Variants in RSPO1 observed in about 807,000 individuals in gnomAD.
The protein encoded by RSPO1 is R-spondin 1, also known as R-spondin-1.
A neutral mutation model predicts 26.0 loss-of-function variants in RSPO1; 18 were observed. The observed-to-expected ratio is 0.69, with a 90% CI of 0.48 to 1.03. The LOEUF (loss-of-function observed/expected upper bound fraction) is 1.03. Among genes scored for constraint, RSPO1 ranks in the 50% least tolerant of loss-of-function variants. RSPO1 has a pLI of 0.00. For synonymous variants in RSPO1, 133 were observed against 137.4 expected, an observed-to-expected ratio of 0.97 and a Z score of 0.22; for missense variants, 309 against 352.3, an observed-to-expected ratio of 0.88 and a Z score of 0.98.
intron 3 of RSPO1, among the ~76,000 whole-genome samples, chr1:37,622,010 T>C (rs1340311541): frequency 6.6e-6 from 1 of 152,042 alleles, no homozygotes; most frequent in Non-Finnish European, 1.5e-5. Context: ...ATCAAAGGCA[T>C]GCCAGTCCAT....
intron 3 of RSPO1, among the ~76,000 whole-genome samples, chr1:37,619,339 T>C (rs1644164899): frequency 6.6e-6 from 1 of 152,214 alleles, no homozygotes; most frequent in African/African-American, 2.4e-5. Flanking sequence ...TGCAGGGTAG[T>C]GGACCCAGAG....
At chr1:37,622,158 T>C (rs937376233) in intron 3 of RSPO1, among the ~76,000 whole-genome samples, 1 of 152,144 alleles carries the variant, frequency 6.6e-6, no homozygotes, top group Non-Finnish European at 1.5e-5. Flanking sequence ...GTATATAGCA[T>C]CATGGGAGCC....
chr1:37,631,171 A>G (rs1325965201), intron 2 of RSPO1, among the ~76,000 whole-genome samples: 1 of 151,994 alleles, frequency 6.6e-6, no homozygotes, highest in Non-Finnish European at 1.5e-5. Context: ...GCCCACCTGC[A>G]CGGGAGATAA....
chr1:37,628,189 GTC>G (rs113392196), intron 3 of RSPO1, among the ~76,000 whole-genome samples: 1 of 151,036 alleles, frequency 6.6e-6, no homozygotes, highest in East Asian at 1.9e-4. Flanking sequence ...CTCTCTCTCT[GTC>G]TCTCTCTCTC....
rs956070083 is a variant in RSPO1, at chr1:37,634,638, G to C, written c.-428C>G. The C allele has an allele frequency of 6.6e-6, 1 of 152,274 alleles. No individual in the cohort carries two copies. The highest frequency in any genetic ancestry group is 2.4e-5 in the African/African-American group (1 of 41,428). 9.4% of individuals were successfully genotyped at this position (152,274 alleles called of 1,614,324 possible). Reference sequence around the variant, plus strand: ...CGCGGCCCGCTCACCCGCCCGCTGCGGGACTGTCCTGGGCGCCCGGCTCGC... The same window carrying C: ...CGCGGCCCGCTCACCCGCCCGCTGCCGGACTGTCCTGGGCGCCCGGCTCGC... On this transcript the variant is annotated 5_prime_UTR_variant, in exon 1 of 7. Coordinates refer to ENST00000356545, the MANE Select transcript of RSPO1 (RefSeq NM_001242908.2). This position sits in a 1 kb window ranked among gnomAD's most constrained non-coding sequence, Gnocchi z 4.7.
chr1:37,624,055 C>T (rs1423991292), intron 3 of RSPO1, among the ~76,000 whole-genome samples: 4 of 152,078 alleles, frequency 2.6e-5, no homozygotes, highest in East Asian at 3.9e-4. Flanking sequence ...CCACCAAGTC[C>T]GGCCGAGCTT....
rs373365479 is a variant in RSPO1, at chr1:37,614,241, G to T, written c.379C>A (p.Pro127Thr). The change falls in exon 5 of 7, where the codon CCA becomes ACA. Residue 127 changes from proline (P) to threonine (T), a missense_variant. By Grantham distance (38) the Pro-to-Thr change is conservative. Transcript: ENST00000356545. Reference protein sequence around the residue: ...GLYLHKGRCYPACPEGSSAAN... With the variant: ...GLYLHKGRCYTACPEGSSAAN... ...GCTGAGGAGCCCTCGGGACAAGCTGGATAGCAGCGGCCCTTGTGCAGGTAC... is the reference window on the plus strand; with the variant it reads ...GCTGAGGAGCCCTCGGGACAAGCTGTATAGCAGCGGCCCTTGTGCAGGTAC... The T allele has an allele frequency of 6.2e-7, 1 of 1,613,596 alleles. No homozygotes were observed. Among genetic ancestry groups the T allele is most frequent in the Non-Finnish European group, 8.5e-7 (1 of 1,180,050 alleles).
intron 3 of RSPO1, among the ~76,000 whole-genome samples, chr1:37,626,799 AGAG>A (rs2148179983): frequency 6.6e-6 from 1 of 152,220 alleles, no homozygotes; most frequent in Non-Finnish European, 1.5e-5. Context: ...CAAGAATCAG[AGAG>A]GAGAAGGGGC....
Position 37,616,692 on chromosome 1 carries a change from G to C in RSPO1, c.95-17C>G, listed in dbSNP as rs376634955. ...CGGCACTGACTGCAAAGGTGGAGCA[G>C]GCATGAGAAGGCGGCTGTGGAGAGA... On this transcript the variant is annotated splice_polypyrimidine_tract_variant and intron_variant, in intron 3 of 6. Transcript: ENST00000356545. The C allele has an allele frequency of 1.9e-6, 3 of 1,612,276 alleles. No homozygotes were observed. The African/African-American group carries it at 4.0e-5, about 22-fold the overall frequency.
At position 37,634,007 on chromosome 1, in the gene RSPO1, G is replaced by C. The variant is rs945553208; in HGVS notation, c.-356+559C>G. Among the ~76,000 whole-genome samples, 5 of 152,176 alleles carry C rather than the reference G, an allele frequency of 3.3e-5. No homozygotes were observed. Among genetic ancestry groups the C allele is most frequent in the African/African-American group, 4.8e-5 (2 of 41,450 alleles). Reference sequence around the variant, plus strand: ...CTGTCCCGGCCCTCCAGGGAGTCCCGGGCGAACATAGCCCCCACCTCTCCC... The same window carrying C: ...CTGTCCCGGCCCTCCAGGGAGTCCCCGGCGAACATAGCCCCCACCTCTCCC... On this transcript the variant is annotated intron_variant, in intron 1 of 6. Transcript: ENST00000356545. This position sits in a 1 kb window ranked among gnomAD's most constrained non-coding sequence, Gnocchi z 4.7.
At chr1:37,614,106 G>A (rs567744001) in intron 5 of RSPO1, 78 bp downstream of exon 5, 9 of 1,531,080 alleles carry the variant, frequency 5.9e-6, no homozygotes, top group Admixed American at 1.8e-5. Context: ...CAGCCCACCC[G>A]CTCTCTTGCC....
intron 3 of RSPO1, among the ~76,000 whole-genome samples, chr1:37,622,037 T>C (rs777527722): frequency 6.6e-6 from 1 of 151,038 alleles, no homozygotes; most frequent in South Asian, 2.1e-4. Context: ...GCAAGAAGAG[T>C]GGGTCTGGAG....
chr1:37,630,025 G>A, intron 2 of RSPO1, 76 bp from the exon 3 acceptor site: 1 of 695,936 alleles, frequency 1.4e-6, no homozygotes, highest in South Asian at 1.7e-5. Context: ...GCCCTACCCA[G>A]AAGACTGGGA....
At chr1:37,616,134 T>C (rs1644107498) in intron 4 of RSPO1, among the ~76,000 whole-genome samples, 2 of 151,906 alleles carry the variant, frequency 1.3e-5, no homozygotes, top group African/African-American at 4.8e-5. Context: ...GCTGGGAGCC[T>C]GGGGAGGACA....
chr1:37,620,623 G>A (rs1312957999), intron 3 of RSPO1, among the ~76,000 whole-genome samples: 1 of 125,040 alleles, frequency 8.0e-6, no homozygotes, highest in Non-Finnish European at 1.6e-5. Context: ...GCGAGACTCT[G>A]TCTCAAAATA....
chr1:37,612,947 A>C, intron 6 of RSPO1, 26 bp from the exon 7 acceptor site: 1 of 1,613,374 alleles, frequency 6.2e-7, no homozygotes, highest in Non-Finnish European at 8.5e-7. Flanking sequence ...AGCAGGAAGA[A>C]TCAACAAAGG....
rs201520180 is a variant in RSPO1, at chr1:37,614,229, C to T, written c.391G>A (p.Glu131Lys). The T allele has an allele frequency of 2.7e-5, 44 of 1,613,492 alleles. No individual in the cohort carries two copies. Among genetic ancestry groups the T allele is most frequent in the African/African-American group, 1.5e-4 (11 of 75,032 alleles). ...GTGCCATTGGCAGCTGAGGAGCCCT[C>T]GGGACAAGCTGGATAGCAGCGGCCC... ...HKGRCYPACPEGSSAANGTME... is the reference protein window; with the variant it reads ...HKGRCYPACPKGSSAANGTME... Residue 131 changes from glutamate to lysine, a missense_variant, in exon 5 of 7, where the codon GAG becomes AAG. Transcript: ENST00000356545.
intron 4 of RSPO1, among the ~76,000 whole-genome samples, chr1:37,616,008 AG>A (rs1335145479): frequency 6.6e-6 from 1 of 152,158 alleles, no homozygotes; most frequent in Admixed American, 6.5e-5. Flanking sequence ...GTGATGGGGT[AG>A]GGTGTGTGTC....
In RSPO1 at chr1:37,629,682, C is replaced by A. The variant is rs1270975423; in HGVS notation, c.-21G>T. On this transcript the variant is annotated 5_prime_UTR_variant, in exon 3 of 7. Transcript: ENST00000356545. ...CGCATAGTCACGCGCCAGCTCCAGG[C>A]CCCTGGTCGGAGGGGTGGTCTCGGG... 6.2e-7 allele frequency: 1 copy of A among 1,613,824 alleles called. No individual in the cohort carries two copies. The highest frequency in any genetic ancestry group is 8.5e-7 in the Non-Finnish European group (1 of 1,179,880).
Sources: gnomAD v4.1 joint callset for allele counts (sites outside exome capture counted in the v4.1 genomes callset) on GRCh38, gnomAD v4.1.1 for gene constraint, Gnocchi (gnomAD v3.1) non-coding constraint, MANE v1.5 for transcripts, NCBI Gene and HGNC (gene_info 2026-07-23, HGNC 2026-07-21) for gene names.